Variants in NRG1 observed in about 807,000 individuals in gnomAD.
NRG1 encodes neuregulin 1, also known as pro-neuregulin-1, membrane-bound isoform.
A neutral mutation model predicts 63.8 loss-of-function variants in NRG1; 18 were observed. That is an observed-to-expected ratio of 0.28 (90% CI 0.19 to 0.42). NRG1 has a LOEUF of 0.42. NRG1 is among the 10% of genes least tolerant of loss of function. The probability of loss-of-function intolerance (pLI) is 1.00; values close to 1 mark genes in which losing one functional copy is unlikely to be tolerated. For synonymous variants in NRG1, 302 were observed against 301.3 expected, an observed-to-expected ratio of 1.00 and a Z score of -0.02; for missense variants, 762 against 814.7, an observed-to-expected ratio of 0.94 and a Z score of 0.79.
intron 1 of NRG1, among the ~76,000 whole-genome samples, chr8:32,305,880 A>C (rs113265827): frequency 2.3e-3 from 352 of 152,344 alleles, no homozygotes; most frequent in Non-Finnish European, 4.1e-3. Context: ...ATAGTAAAAA[A>C]ATCATGAGGC....
intron 1 of NRG1, among the ~76,000 whole-genome samples, chr8:31,700,636 A>G (rs916381948): frequency 1.3e-5 from 2 of 152,200 alleles, no homozygotes; most frequent in African/African-American, 4.8e-5. Context: ...TGCCTGGTAG[A>G]AAAACTGGCA....
At chr8:32,343,217 A>T (rs1331082677) in intron 1 of NRG1, among the ~76,000 whole-genome samples, 3 of 152,210 alleles carry the variant, frequency 2.0e-5, no homozygotes, top group Non-Finnish European at 4.4e-5. Flanking sequence ...GTATCAGAGA[A>T]ATGTACATAA....
intron 1 of NRG1, among the ~76,000 whole-genome samples, chr8:32,127,417 C>A (rs559496731): frequency 6.6e-6 from 1 of 151,816 alleles, no homozygotes; most frequent in South Asian, 2.1e-4. Context: ...ACACCATGAA[C>A]CTGAGGAGGA....
At chr8:32,168,433 A>G (rs930444301) in intron 1 of NRG1, among the ~76,000 whole-genome samples, 5 of 152,170 alleles carry the variant, frequency 3.3e-5, no homozygotes, top group Non-Finnish European at 5.9e-5. Context: ...AGAATCATGA[A>G]GTATTATCAG....
intron 1 of NRG1, among the ~76,000 whole-genome samples, chr8:32,202,700 T>C (rs1176701139): frequency 6.6e-6 from 1 of 151,766 alleles, no homozygotes; most frequent in Non-Finnish European, 1.5e-5. Context: ...TCTTCCCCTG[T>C]AGTTCATCGG....
chr8:32,368,372 C>A (rs1031816333), intron 1 of NRG1, among the ~76,000 whole-genome samples: 9 of 151,966 alleles, frequency 5.9e-5, no homozygotes, highest in Non-Finnish European at 1.3e-4. Context: ...AGTTCAAGAC[C>A]AGCCTGGGCA....
intron 2 of NRG1, among the ~76,000 whole-genome samples, chr8:32,596,696 T>G (rs1843433726): frequency 6.6e-6 from 1 of 152,190 alleles, no homozygotes; most frequent in Non-Finnish European, 1.5e-5. Context: ...AACTTCATTG[T>G]AAAGCTCAGT....
chr8:31,822,246 T>C (rs1042458366), intron 1 of NRG1, among the ~76,000 whole-genome samples: 2 of 152,210 alleles, frequency 1.3e-5, no homozygotes, highest in African/African-American at 4.8e-5. Context: ...AACTTTTTCT[T>C]AGGAGCACTA....
At chr8:31,790,747 G>A (rs995786709) in intron 1 of NRG1, among the ~76,000 whole-genome samples, 1 of 152,062 alleles carries the variant, frequency 6.6e-6, no homozygotes, top group Non-Finnish European at 1.5e-5. Context: ...TCTAGGGCTG[G>A]GCTACACAAA....
At chr8:31,839,972 G>A (rs1347264897) in intron 1 of NRG1, among the ~76,000 whole-genome samples, 2 of 152,150 alleles carry the variant, frequency 1.3e-5, no homozygotes, top group Middle Eastern at 3.2e-3. Flanking sequence ...AATTTCCAAG[G>A]CTGCTGAGAA....
At chr8:32,381,901 A>G (rs371546198) in intron 1 of NRG1, among the ~76,000 whole-genome samples, 2 of 152,210 alleles carry the variant, frequency 1.3e-5, no homozygotes, top group Non-Finnish European at 2.9e-5. Context: ...AGACAAAATA[A>G]TTGAACATAT....
chr8:32,608,092 G>GTTTTGTTTTTTTT (rs1845594606), intron 3 of NRG1, among the ~76,000 whole-genome samples: 3 of 106,158 alleles, frequency 2.8e-5, no homozygotes, highest in Admixed American at 9.5e-5. Flanking sequence ...GGTTTTTTTT[G>GTTTTGTTTTTTTT]TTTTTTTTTT....
intron 1 of NRG1, among the ~76,000 whole-genome samples, chr8:32,035,766 T>C (rs952359944): frequency 4.6e-5 from 7 of 152,202 alleles, no homozygotes; most frequent in Admixed American, 2.0e-4. Flanking sequence ...AACCCCTGCT[T>C]TTTTCTGTTT....
intron 5 of NRG1, among the ~76,000 whole-genome samples, chr8:32,631,664 CT>C (rs1850338647): frequency 1.3e-5 from 2 of 152,114 alleles, no homozygotes; most frequent in African/African-American, 2.4e-5. Context: ...GCATTAATCA[CT>C]GGGTTAATGC....
At chr8:31,927,233 G>A (rs1488188838) in intron 1 of NRG1, among the ~76,000 whole-genome samples, 2 of 151,914 alleles carry the variant, frequency 1.3e-5, no homozygotes, top group Admixed American at 1.3e-4. Context: ...CCCTGGAATG[G>A]GCATCATTTA....
intron 1 of NRG1, among the ~76,000 whole-genome samples, chr8:32,589,791 T>C (rs1189511387): frequency 6.6e-6 from 1 of 152,222 alleles, no homozygotes; most frequent in African/African-American, 2.4e-5. Context: ...GCACAGTAGA[T>C]GATCAAAACA....
In NRG1 at chr8:31,927,650, G is replaced by T. The variant is rs28625955; in HGVS notation, c.37+288219G>T. 1.8e-3 allele frequency among the ~76,000 whole-genome samples: 272 copies of T among 147,986 alleles called. 6 individuals are homozygous for T. Among genetic ancestry groups the T allele is most frequent in the Middle Eastern group, 0.017 (5 of 288 alleles). On this transcript the variant is annotated intron_variant, in intron 1 of 10. Transcript: ENST00000519301. The stretch of plus-strand genomic sequence containing the variant: ...TTTTTAGTAGAGACGGGGTTTCACC[G>T]TTTTAGCCGGGATGGTCTCGATCTC...
chr8:32,653,487 T>C (rs13259346), intron 5 of NRG1, among the ~76,000 whole-genome samples: 63,460 of 152,018 alleles, frequency 0.42, 15,246 homozygotes, highest in Non-Finnish European at 0.56. Flanking sequence ...CCACCTCTGC[T>C]ACCAACAGGC....
intron 1 of NRG1, among the ~76,000 whole-genome samples, chr8:31,877,802 C>T (rs951887557): frequency 6.6e-6 from 1 of 152,070 alleles, no homozygotes; most frequent in African/African-American, 2.4e-5. Flanking sequence ...TTGCTGGGTG[C>T]CCTGTGATGC....
Sources: gnomAD v4.1 joint callset for allele counts (sites outside exome capture counted in the v4.1 genomes callset) on GRCh38, gnomAD v4.1.1 for gene constraint, MANE v1.5 for transcripts, NCBI Gene and HGNC (gene_info 2026-07-23, HGNC 2026-07-21) for gene names.